Variants in LMNA observed in about 807,000 individuals in gnomAD.
LMNA encodes the protein lamin.
A neutral mutation model predicts 70.4 loss-of-function variants in LMNA; 20 were observed. That is an observed-to-expected ratio of 0.28 (90% CI 0.20 to 0.41). The LOEUF is 0.41. Ranked by LOEUF, LMNA falls within the 10% of genes least tolerant of loss-of-function variation. LMNA has a pLI of 1.00. For missense variants in LMNA, 652 were observed against 917.2 expected (o/e 0.71, Z 3.73); for synonymous variants, 339 against 372.8 (o/e 0.91, Z 1.04).
chr1:156,135,843 C>T lies in LMNA; in HGVS notation c.937-58C>T, dbSNP rs1651522982. ...GTGTCTCCTACACCGACCCACGTCCCTCCTTCCCCATACTTAGGGCCCTTG... is the reference window on the plus strand; with the variant it reads ...GTGTCTCCTACACCGACCCACGTCCTTCCTTCCCCATACTTAGGGCCCTTG... On this transcript the variant is annotated intron_variant, in intron 5 of 11. Coordinates refer to ENST00000368300, the MANE Select transcript of LMNA (RefSeq NM_170707.4). This position sits in a 1 kb window ranked among gnomAD's most constrained non-coding sequence, Gnocchi z 4.8. The T allele has an allele frequency of 1.3e-6, 2 of 1,489,164 alleles. No individual in the cohort carries two copies. Among genetic ancestry groups the T allele is most frequent in the Non-Finnish European group, 9.3e-7 (1 of 1,075,514 alleles). 92.2% of individuals were successfully genotyped at this position (1,489,164 alleles called of 1,614,324 possible).
At chr1:156,102,144 C>A (rs1353462987) in intron 3 of LMNA, among the ~76,000 whole-genome samples, 1 of 152,220 alleles carries the variant, frequency 6.6e-6, no homozygotes, top group Non-Finnish European at 1.5e-5. Context: ...GGCAGGCCGG[C>A]CTTGATGCTC....
chr1:156,138,460 C>T lies in LMNA; in HGVS notation c.1699-28C>T, dbSNP rs1651852991. ...GAGTGGTCAGTCCCAGACTCGCCGT[C>T]CCGCCTGAGCCTTGTCTCCCTTCCC... On this transcript the variant is annotated intron_variant, in intron 10 of 11. Coordinates refer to ENST00000368300, the MANE Select transcript of LMNA (RefSeq NM_170707.4). The surrounding 1 kb of genome is among the most constrained non-coding windows in gnomAD (Gnocchi z 5.5). The T allele has an allele frequency of 6.2e-7, 1 of 1,607,642 alleles. No homozygotes were observed. Among genetic ancestry groups the T allele is most frequent in the Admixed American group, 1.7e-5 (1 of 59,676 alleles).
Position 156,115,149 on chromosome 1 carries a change from C to G in LMNA, c.231C>G (p.Ile77Met). The change falls in exon 1 of 12, where the codon ATC (isoleucine) becomes ATG (methionine). Residue 77 changes from isoleucine (I) to methionine (M), a missense_variant. Physicochemically the swap from Ile to Met is conservative, Grantham distance 10 (BLOSUM62 1). This residue lies in a region of LMNA where 254 missense variants were observed against 421.9 expected (regional missense o/e 0.60). Transcript: ENST00000368300. This position sits in a 1 kb window ranked among gnomAD's most constrained non-coding sequence, Gnocchi z 5.8. ...EEVVSREVSG[I>M]KAAYEAELGD... Reference sequence around the variant, plus strand: ...TGGTCAGCCGCGAGGTGTCCGGCATCAAGGCCGCCTACGAGGCCGAGCTCG... The same window carrying G: ...TGGTCAGCCGCGAGGTGTCCGGCATGAAGGCCGCCTACGAGGCCGAGCTCG... The G allele has an allele frequency of 6.2e-7, 1 of 1,611,244 alleles. No homozygotes were observed. The highest frequency in any genetic ancestry group is 2.2e-5 in the East Asian group (1 of 44,766).
intron 1 of LMNA, among the ~76,000 whole-genome samples, chr1:156,122,201 G>T (rs1247115993): frequency 1.3e-5 from 2 of 152,078 alleles, no homozygotes; most frequent in East Asian, 3.8e-4. Context: ...CCTAGCCCTC[G>T]GTGCCCTTAG....
At position 156,135,751 on chromosome 1, in the gene LMNA, G is replaced by A. The variant is rs1651511085; in HGVS notation, c.937-150G>A. 3 of 680,194 alleles carry A rather than the reference G, an allele frequency of 4.4e-6. No individual in the cohort carries two copies. The highest frequency in any genetic ancestry group is 3.5e-4 in the Middle Eastern group (1 of 2,878). 42.1% of individuals were successfully genotyped at this position (680,194 alleles called of 1,614,324 possible). On this transcript the variant is annotated intron_variant, in intron 5 of 11. Coordinates refer to ENST00000368300, the MANE Select transcript of LMNA (RefSeq NM_170707.4). This position sits in a 1 kb window ranked among gnomAD's most constrained non-coding sequence, Gnocchi z 4.8. ...CAAGACTATGTTTAGAGCTTGTGAT[G>A]TTCAGAGCTGGCTCTGATGAGGGCT...
rs989128319 is a variant in LMNA at position 156,134,649 on chromosome 1, G to A, written c.639+121G>A. 1.9e-6 allele frequency: 3 copies of A among 1,543,494 alleles called. No homozygotes were observed. Among genetic ancestry groups the A allele is most frequent in the Admixed American group, 3.4e-5 (2 of 59,294 alleles). ...CCTGAGTCCCTTGCCCTAGTGGACA[G>A]GGAGTTGGGGGTGGCCAGCACTCAG... On this transcript the variant is annotated intron_variant, in intron 3 of 11. Transcript: ENST00000368300. The surrounding 1 kb of genome is among the most constrained non-coding windows in gnomAD (Gnocchi z 5.3).
rs1572371789 is a variant in LMNA at position 156,140,004 on chromosome 1, C to T, written c.*898C>T. 3 of 583,824 alleles carry T rather than the reference C, an allele frequency of 5.1e-6. No homozygotes were observed. Among genetic ancestry groups the T allele is most frequent in the South Asian group, 2.2e-5 (1 of 46,500 alleles). 36.2% of individuals were successfully genotyped at this position (583,824 alleles called of 1,614,324 possible). Reference sequence around the variant, plus strand: ...GGGGTGTGGCAGTGGTTTTGGCAAACGCTAAAGAGCCCTTGCCTCCCCATT... The same window carrying T: ...GGGGTGTGGCAGTGGTTTTGGCAAATGCTAAAGAGCCCTTGCCTCCCCATT... On this transcript the variant is annotated 3_prime_UTR_variant, in exon 12 of 12. Transcript: ENST00000368300.
At chr1:156,087,783 C>T (rs890102857) in intron 2 of LMNA, among the ~76,000 whole-genome samples, 1 of 151,680 alleles carries the variant, frequency 6.6e-6, no homozygotes, top group African/African-American at 2.4e-5. Flanking sequence ...GAACTCCTGG[C>T]CTCAGGTGAT....
chr1:156,109,818 G>GTGTGTGTGTATATATA (rs1553261281), upstream of LMNA: 9 of 131,772 alleles, frequency 6.8e-5, no homozygotes, highest in Admixed American at 3.2e-4. Flanking sequence ...GTGTGTGTGT[G>GTGTGTGTGTATATATA]CATATATATA....
Position 156,103,587 on chromosome 1 carries a change from T to G in LMNA, c.-206-11126T>G, listed in dbSNP as rs748000480. ...GCGCATACCCCTAGCCAACCCCTCC[T>G]TGCAAGCCCTCATTCGGGCGGGGAG... On this transcript the variant is annotated intron_variant, in intron 3 of 12. Transcript: ENST00000368301. The surrounding 1 kb of genome is among the most constrained non-coding windows in gnomAD (Gnocchi z 4.7). Among the ~76,000 whole-genome samples, 1 of 152,060 alleles carries G rather than the reference T, an allele frequency of 6.6e-6. No individual in the cohort carries two copies. Among genetic ancestry groups the G allele is most frequent in the African/African-American group, 2.4e-5 (1 of 41,408 alleles).
chr1:156,101,849 A>G (rs1488077281), intron 3 of LMNA, among the ~76,000 whole-genome samples: 3 of 152,134 alleles, frequency 2.0e-5, no homozygotes, highest in Non-Finnish European at 4.4e-5. Flanking sequence ...AACCACAAGG[A>G]CTTGGGGGCT....
upstream of LMNA, chr1:156,109,818 G>GTGTGTGTATATATATA (rs1553261281): frequency 7.6e-6 from 1 of 131,722 alleles, no homozygotes; most frequent in African/African-American, 2.7e-5. Context: ...GTGTGTGTGT[G>GTGTGTGTATATATATA]CATATATATA....
intron 1 of LMNA, among the ~76,000 whole-genome samples, chr1:156,122,121 TAATA>T (rs376938620): frequency 6.6e-6 from 1 of 151,974 alleles, no homozygotes; most frequent in Non-Finnish European, 1.5e-5. Flanking sequence ...ATAATACTAA[TAATA>T]AATAAATAAA....
chr1:156,137,701 C>T lies in LMNA; in HGVS notation c.1656C>T (p.Asp552=), dbSNP rs370219874. The T allele has an allele frequency of 9.4e-5, 146 of 1,555,920 alleles. No individual in the cohort carries two copies. Among genetic ancestry groups the T allele is most frequent in the Non-Finnish European group, 1.1e-4 (124 of 1,149,362 alleles). The change falls in exon 10 of 12, where the codon GAC becomes GAT. Residue 552 remains aspartate, a synonymous_variant. Transcript: ENST00000368300. This position sits in a 1 kb window ranked among gnomAD's most constrained non-coding sequence, Gnocchi z 4.6. ...TGCGCTCAGTGACTGTGGTTGAGGA[C>T]GACGAGGATGAGGATGGAGATGACC... ...KLVRSVTVVE[D]DEDEDGDDLL... is the part of the protein sequence containing the mutation.
At chr1:156,126,872 C>T (rs887487594) in intron 1 of LMNA, 2 of 1,611,660 alleles carry the variant, frequency 1.2e-6, no homozygotes, top group African/African-American at 2.7e-5. Flanking sequence ...GCTGGCACAG[C>T]ACCCGGCCTG....
intron 3 of LMNA, among the ~76,000 whole-genome samples, chr1:156,102,897 C>T (rs1393361458): frequency 6.6e-6 from 1 of 152,176 alleles, no homozygotes; most frequent in Non-Finnish European, 1.5e-5. Context: ...GTCTATAGGT[C>T]TTCCCGTAAC....
intron 1 of LMNA, among the ~76,000 whole-genome samples, chr1:156,119,533 G>T (rs517606): frequency 0.15 from 22,794 of 152,236 alleles, 3,731 homozygotes; most frequent in African/African-American, 0.41. Context: ...GTGCTGGGAT[G>T]TATAGGCATG....
chr1:156,083,328 G>C (rs1648342440), intron 2 of LMNA: 1 of 153,116 alleles, frequency 6.5e-6, no homozygotes, highest in South Asian at 2.1e-4. Flanking sequence ...AAGGCCTGGG[G>C]TGACTTAACC....
intron 3 of LMNA, among the ~76,000 whole-genome samples, chr1:156,099,113 T>C (rs1001590478): frequency 1.3e-5 from 2 of 152,138 alleles, no homozygotes; most frequent in African/African-American, 4.8e-5. Context: ...AGGCAAAGGC[T>C]GCCCCACTGT....
Sources: gnomAD v4.1 joint callset for allele counts (sites outside exome capture counted in the v4.1 genomes callset) on GRCh38, gnomAD v4.1.1 for gene constraint, gnomAD v4.1.1 regional missense constraint, Gnocchi (gnomAD v3.1) non-coding constraint, MANE v1.5 for transcripts, NCBI Gene and HGNC (gene_info 2026-07-23, HGNC 2026-07-21) for gene names.